Variants in RGS8 observed in about 807,000 individuals in gnomAD.
RGS8 encodes regulator of G-protein signaling 8.
In RGS8, 8 loss-of-function variants were observed where a neutral mutation model predicts 21.7. The observed-to-expected ratio is 0.37, with a 90% CI of 0.22 to 0.66. The LOEUF (loss-of-function observed/expected upper bound fraction) is 0.66, where lower values mean the gene tolerates loss of function less well. RGS8 is among the 30% of genes least tolerant of loss of function. RGS8 has a pLI of 0.59. For synonymous variants in RGS8, 80 were observed against 83.6 expected, an observed-to-expected ratio of 0.96 and a Z score of 0.24; for missense variants, 157 against 217.9, an observed-to-expected ratio of 0.72 and a Z score of 1.76.
upstream of RGS8, among the ~76,000 whole-genome samples, chr1:182,676,426 C>T (rs530389834): frequency 7.9e-5 from 12 of 152,290 alleles, no homozygotes; most frequent in South Asian, 2.1e-3. Flanking sequence ...GCAATTTCCA[C>T]TTCGTAGCTT....
chr1:182,720,892 CAT>C, the RGS8 span, among the ~76,000 whole-genome samples: 7,336 of 69,642 alleles, frequency 0.11, 491 homozygotes, highest in East Asian at 0.24. Context: ...TATATATACA[CAT>C]ATATATACAT....
the RGS8 span, among the ~76,000 whole-genome samples, chr1:182,742,847 A>G: frequency 6.6e-6 from 1 of 152,202 alleles, no homozygotes; most frequent in African/African-American, 2.4e-5. Flanking sequence ...AGGATTTGCT[A>G]AGAAGGAACC....
chr1:182,660,550 A>G (rs1015596371), intron 5 of RGS8, among the ~76,000 whole-genome samples: 4 of 151,446 alleles, frequency 2.6e-5, no homozygotes, highest in East Asian at 3.9e-4. Context: ...TACACCTGCC[A>G]TATTTGTTTA....
chr1:182,745,220 A>G, the RGS8 span, among the ~76,000 whole-genome samples: 8 of 152,218 alleles, frequency 5.3e-5, no homozygotes. Flanking sequence ...TTATTTTTTA[A>G]TTGTGACATT....
In RGS8 at chr1:182,681,020, C is replaced by T. The variant is rs113565501; in HGVS notation, n.221+3336G>A. ...AAATCAGAATTACTAAGGCAATGCC[C>T]ACTTCCTGTGTTACTGCAAGAATTC... On this transcript the variant is annotated intron_variant and non_coding_transcript_variant, in intron 1 of 4. Coordinates refer to the RGS8 transcript ENST00000515211. Among the ~76,000 whole-genome samples, 195 of 152,312 alleles carry T rather than the reference C, an allele frequency of 1.3e-3. 2 individuals carry two copies. Among genetic ancestry groups the T allele is most frequent in the African/African-American group, 4.5e-3 (186 of 41,562 alleles).
At chr1:182,750,450 T>C in the RGS8 span, among the ~76,000 whole-genome samples, 15 of 152,240 alleles carry the variant, frequency 9.9e-5, no homozygotes, top group South Asian at 4.1e-4. Context: ...CTTAAACCCA[T>C]TGGCAAAAAA....
chr1:182,668,036 C>T (rs1663959623), intron 3 of RGS8, among the ~76,000 whole-genome samples: 2 of 145,128 alleles, frequency 1.4e-5, no homozygotes, highest in Admixed American at 1.3e-4. Flanking sequence ...GAAAAGGTGC[C>T]TGTCTGTGTA....
intron 5 of RGS8, among the ~76,000 whole-genome samples, chr1:182,661,647 T>TA (rs1165862411): frequency 2.0e-5 from 3 of 151,920 alleles, no homozygotes; most frequent in Admixed American, 6.6e-5. Flanking sequence ...GCTAAACAAA[T>TA]AAAAAAAGTT....
chr1:182,721,724 C>T, the RGS8 span, among the ~76,000 whole-genome samples: 1 of 152,092 alleles, frequency 6.6e-6, no homozygotes, highest in Admixed American at 6.5e-5. Context: ...TGTGCTGACT[C>T]GTTCAGCTTT....
intron 5 of RGS8, among the ~76,000 whole-genome samples, chr1:182,664,383 C>T (rs1663750724): frequency 6.6e-6 from 1 of 152,058 alleles, no homozygotes. Flanking sequence ...TATTAAATTT[C>T]TCATATTCAG....
chr1:182,667,851 A>ATT (rs542434099), intron 3 of RGS8, among the ~76,000 whole-genome samples: 2 of 145,320 alleles, frequency 1.4e-5, no homozygotes, highest in African/African-American at 2.5e-5. Context: ...AATATGTTTA[A>ATT]TTTTTTTTTT....
At chr1:182,662,782 C>A (rs1424295079) in intron 5 of RGS8, among the ~76,000 whole-genome samples, 1 of 152,212 alleles carries the variant, frequency 6.6e-6, no homozygotes, top group Non-Finnish European at 1.5e-5. Context: ...AGGCTGCATT[C>A]TCCACCAGAG....
downstream of RGS8, chr1:182,644,266 AGGTAT>A (rs1272213944): frequency 6.6e-6 from 1 of 152,250 alleles, no homozygotes; most frequent in African/African-American, 2.4e-5. Context: ...AGGGCATACA[AGGTAT>A]GAGGAAAGCT....
upstream of RGS8, among the ~76,000 whole-genome samples, chr1:182,689,264 GACACACACACACAC>G (rs34000229): frequency 2.7e-3 from 342 of 125,770 alleles, no homozygotes; most frequent in African/African-American, 7.9e-3. Context: ...CACACACACA[GACACACACACACAC>G]ACACACACAC....
chr1:182,695,284 C>A, the RGS8 span, among the ~76,000 whole-genome samples: 25 of 152,328 alleles, frequency 1.6e-4, no homozygotes, highest in African/African-American at 5.5e-4. Flanking sequence ...ACCACTGTAG[C>A]AGATCCAAGT....
chr1:182,687,056 G>A (rs755349754), upstream of RGS8, among the ~76,000 whole-genome samples: 19 of 152,074 alleles, frequency 1.2e-4, no homozygotes, highest in South Asian at 1.2e-3. Context: ...GGTGACCACC[G>A]GGAACGTGGC....
the RGS8 span, among the ~76,000 whole-genome samples, chr1:182,691,144 C>T: frequency 6.6e-6 from 1 of 152,174 alleles, no homozygotes; most frequent in Non-Finnish European, 1.5e-5. Flanking sequence ...GCTAAACTAG[C>T]TCCAAACTAG....
chr1:182,731,593 C>T, the RGS8 span, among the ~76,000 whole-genome samples: 1 of 152,216 alleles, frequency 6.6e-6, no homozygotes, highest in African/African-American at 2.4e-5. Context: ...ACTAATATCA[C>T]ATTACTTGGT....
chr1:182,736,102 A>G, the RGS8 span, among the ~76,000 whole-genome samples: 5 of 152,216 alleles, frequency 3.3e-5, no homozygotes, highest in Non-Finnish European at 7.3e-5. Context: ...AAGAAACTCT[A>G]TATCATCACC....
Sources: gnomAD v4.1 joint callset for allele counts (sites outside exome capture counted in the v4.1 genomes callset) on GRCh38, gnomAD v4.1.1 for gene constraint, MANE v1.5 for transcripts, NCBI Gene and HGNC (gene_info 2026-07-23, HGNC 2026-07-21) for gene names.